The following FAM222B variants were observed in gnomAD, a reference collection of about 807,000 sequenced individuals.
FAM222B encodes family with sequence similarity 222 member B, also known as protein FAM222B.
Under a neutral mutation model 38.0 loss-of-function variants are expected in FAM222B, and 12 were observed. The ratio of observed to expected loss-of-function variants is 0.32; its 90% CI spans 0.20 to 0.51. The LOEUF is 0.51. Ranked by LOEUF, FAM222B falls within the 20% of genes least tolerant of loss-of-function variation. The pLI is 0.97. For missense variants in FAM222B, 716 were observed against 754.2 expected, an observed-to-expected ratio of 0.95 and a Z score of 0.59; for synonymous variants, 329 against 317.2, an observed-to-expected ratio of 1.04 and a Z score of -0.40.
chr17:28,812,660 C>T lies in FAM222B; in HGVS notation c.-41+30022G>A, dbSNP rs999844818. ...CGGCTCCTCTTTGTTAGCGCTGCCC[C>T]CATCTCTCCCGGCCCCTACCCCAAA... On this transcript the variant is annotated intron_variant, in intron 1 of 2. Transcript: ENST00000581407. Among the ~76,000 whole-genome samples the T allele has an allele frequency of 4.6e-5, 7 of 152,110 alleles. 1 individual carries two copies. The highest frequency in any genetic ancestry group is 1.4e-4 in the African/African-American group (6 of 41,432).
intron 1 of FAM222B, among the ~76,000 whole-genome samples, chr17:28,796,474 G>A (rs979943697): frequency 5.3e-5 from 8 of 152,142 alleles, no homozygotes; most frequent in African/African-American, 1.9e-4. Flanking sequence ...TTAAGGCTGA[G>A]AGTTACTGAG....
chr17:28,779,699 C>T (rs911532555), intron 1 of FAM222B, among the ~76,000 whole-genome samples: 9 of 151,558 alleles, frequency 5.9e-5, no homozygotes, highest in Middle Eastern at 3.2e-3. Flanking sequence ...TGCAGTGAGT[C>T]GAGATTGCGC....
At chr17:28,773,355 G>A (rs2035729409) in intron 1 of FAM222B, among the ~76,000 whole-genome samples, 1 of 151,432 alleles carries the variant, frequency 6.6e-6, no homozygotes, top group South Asian at 2.1e-4. Flanking sequence ...GGTGGTGGGT[G>A]CCTGTAATCC....
intron 1 of FAM222B, among the ~76,000 whole-genome samples, chr17:28,786,141 G>GTT (rs796268771): frequency 2.1e-5 from 3 of 145,176 alleles, no homozygotes. Flanking sequence ...CATAGGTTTT[G>GTT]TTTTTTTTTT....
At chr17:28,796,820 A>G (rs2036962221) in intron 1 of FAM222B, among the ~76,000 whole-genome samples, 1 of 152,028 alleles carries the variant, frequency 6.6e-6, no homozygotes, top group African/African-American at 2.4e-5. Context: ...TACACTGCCT[A>G]TGCTTGACGG....
intron 1 of FAM222B, among the ~76,000 whole-genome samples, chr17:28,840,188 G>A (rs1039486837): frequency 4.0e-5 from 6 of 151,774 alleles, no homozygotes; most frequent in Non-Finnish European, 7.4e-5. Flanking sequence ...CCAAAATGGC[G>A]AAACCCCATC....
In FAM222B at chr17:28,759,053, C is replaced by T; in HGVS notation, c.906G>A (p.Leu302=). ...ACACCCGGGTGCTTGCATTGATGAG[C>T]AGACTGCGACTAATGGGGCTGGGGT... ...IANPSPISRS[L]LINASTRVST... The change falls in exon 3 of 3, where the codon CTG becomes CTA. Residue 302 remains leucine, a synonymous_variant. Coordinates refer to ENST00000581407, the MANE Select transcript of FAM222B (RefSeq NM_001077498.3). This position sits in a 1 kb window ranked among gnomAD's most constrained non-coding sequence, Gnocchi z 4.8. 1 of 1,612,542 alleles carries T rather than the reference C, an allele frequency of 6.2e-7. No individual in the cohort carries two copies. Among genetic ancestry groups the T allele is most frequent in the South Asian group, 1.1e-5 (1 of 90,774 alleles).
intron 2 of FAM222B, among the ~76,000 whole-genome samples, chr17:28,763,702 C>T (rs1893779430): frequency 6.6e-6 from 1 of 152,230 alleles, no homozygotes; most frequent in African/African-American, 2.4e-5. Context: ...GTGACAAACC[C>T]TCTCTCTATA....
intron 1 of FAM222B, among the ~76,000 whole-genome samples, chr17:28,797,161 C>A (rs974318196): frequency 3.3e-5 from 5 of 151,898 alleles, no homozygotes; most frequent in African/African-American, 1.2e-4. Context: ...AGTCACCACA[C>A]CCAGCTAATT....
chr17:28,779,619 C>T (rs1386254852), intron 1 of FAM222B, among the ~76,000 whole-genome samples: 2 of 151,972 alleles, frequency 1.3e-5, no homozygotes, highest in South Asian at 2.1e-4. Context: ...GGTGTGGTGG[C>T]GGGCGCCTGT....
chr17:28,768,467 G>A (rs11658900), intron 1 of FAM222B, among the ~76,000 whole-genome samples: 63,754 of 151,790 alleles, frequency 0.42, 16,329 homozygotes, highest in East Asian at 0.59. Flanking sequence ...CTGGCACAGC[G>A]TCAGTCTTTT....
At chr17:28,778,540 G>A (rs1218244995) in intron 1 of FAM222B, among the ~76,000 whole-genome samples, 8 of 136,348 alleles carry the variant, frequency 5.9e-5, no homozygotes, top group African/African-American at 8.2e-5. Flanking sequence ...GCCTCCTTCT[G>A]TCACCCAGAC....
At chr17:28,780,574 C>T (rs2036124625) in intron 1 of FAM222B, among the ~76,000 whole-genome samples, 1 of 151,658 alleles carries the variant, frequency 6.6e-6, no homozygotes, top group African/African-American at 2.4e-5. Context: ...AAGACCCATA[C>T]ACTAATAAGT....
intron 1 of FAM222B, among the ~76,000 whole-genome samples, chr17:28,851,801 G>A (rs939195588): frequency 6.6e-6 from 1 of 151,496 alleles, no homozygotes; most frequent in African/African-American, 2.4e-5. Context: ...CTTGAACCAG[G>A]GAGGTGGAGG....
intron 1 of FAM222B, among the ~76,000 whole-genome samples, chr17:28,822,840 T>A (rs1412037957): frequency 1.2e-3 from 89 of 73,306 alleles, no homozygotes; most frequent in African/African-American, 1.5e-3. Flanking sequence ...AAAATATATA[T>A]ATATATATAT....
intron 1 of FAM222B, among the ~76,000 whole-genome samples, chr17:28,836,522 C>T (rs1240812636): frequency 1.3e-5 from 2 of 151,960 alleles, no homozygotes; most frequent in Non-Finnish European, 2.9e-5. Flanking sequence ...CTCCAACAAC[C>T]GAGCTCCCCA....
chr17:28,773,417 T>G (rs1400852704), intron 1 of FAM222B, among the ~76,000 whole-genome samples: 1 of 136,342 alleles, frequency 7.3e-6, no homozygotes, highest in Non-Finnish European at 1.5e-5. Context: ...AGGTGGAGGT[T>G]GCAATGAGCT....
intron 1 of FAM222B, among the ~76,000 whole-genome samples, chr17:28,775,346 G>A (rs1177591417): frequency 6.6e-6 from 1 of 151,554 alleles, no homozygotes; most frequent in Non-Finnish European, 1.5e-5. Flanking sequence ...TTTCCGTGGG[G>A]AATGGGGGAT....
chr17:28,809,650 A>T (rs2151920832), intron 1 of FAM222B, among the ~76,000 whole-genome samples: 1 of 152,236 alleles, frequency 6.6e-6, no homozygotes, highest in African/African-American at 2.4e-5. Flanking sequence ...ACCATGCAAA[A>T]CAGTGATCAC....
Sources: gnomAD v4.1 joint callset for allele counts (sites outside exome capture counted in the v4.1 genomes callset) on GRCh38, gnomAD v4.1.1 for gene constraint, Gnocchi (gnomAD v3.1) non-coding constraint, MANE v1.5 for transcripts, NCBI Gene and HGNC (gene_info 2026-07-23, HGNC 2026-07-21) for gene names.